The following NRXN3 variants were observed in gnomAD, a reference collection of about 807,000 sequenced individuals.
NRXN3 encodes the protein neurexin 3.
Under a neutral mutation model 137.6 loss-of-function variants are expected in NRXN3, and 32 were observed. The observed-to-expected ratio is 0.23, with a 90% CI of 0.18 to 0.31. The LOEUF is 0.31. Among genes scored for constraint, NRXN3 ranks in the 10% least tolerant of loss-of-function variants. The pLI is 1.00. For synonymous variants in NRXN3, 798 were observed against 784.5 expected (o/e 1.02, Z -0.29); for missense variants, 1,574 against 2,062.5 (o/e 0.76, Z 4.59).
At chr14:79,166,444 T>G (rs888814137) in intron 15 of NRXN3, among the ~76,000 whole-genome samples, 2 of 151,306 alleles carry the variant, frequency 1.3e-5, no homozygotes, top group African/African-American at 4.9e-5. Context: ...AAGTGGAAAT[T>G]TATCAGAAAT....
intron 8 of NRXN3, among the ~76,000 whole-genome samples, chr14:78,719,875 T>G (rs1045150676): frequency 6.6e-5 from 10 of 152,012 alleles, no homozygotes; most frequent in African/African-American, 2.4e-4. Flanking sequence ...AATAGTAGGG[T>G]TGGCAGATAC....
intron 19 of NRXN3, among the ~76,000 whole-genome samples, chr14:79,708,368 T>A (rs1351130560): frequency 6.6e-6 from 1 of 152,104 alleles, no homozygotes; most frequent in African/African-American, 2.4e-5. Flanking sequence ...GATTTTGCCA[T>A]CCATGGGAGG....
chr14:79,662,336 G>C (rs537394380), intron 16 of NRXN3, among the ~76,000 whole-genome samples: 3 of 152,252 alleles, frequency 2.0e-5, no homozygotes, highest in African/African-American at 7.2e-5. Context: ...GCAATGCTAT[G>C]TCTTTCCAAG....
intron 10 of NRXN3, among the ~76,000 whole-genome samples, chr14:78,944,073 G>A (rs766295048): frequency 6.6e-6 from 1 of 152,026 alleles, no homozygotes; most frequent in Non-Finnish European, 1.5e-5. Context: ...ATAGAGATTG[G>A]CCAAATCTCT....
At chr14:78,946,798 ACATGGC>A (rs1252523158) in intron 10 of NRXN3, among the ~76,000 whole-genome samples, 2 of 152,174 alleles carry the variant, frequency 1.3e-5, no homozygotes, top group Non-Finnish European at 2.9e-5. Flanking sequence ...CATGCGTCAT[ACATGGC>A]CAGGCTTGCT....
At chr14:78,628,071 CTT>C (rs58835983) in intron 4 of NRXN3, among the ~76,000 whole-genome samples, 53 of 133,940 alleles carry the variant, frequency 4.0e-4, no homozygotes, top group Non-Finnish European at 3.7e-4. Flanking sequence ...TTGCAGAGTT[CTT>C]TTTTTTTTTT....
chr14:79,554,659 T>C (rs2153751945), intron 16 of NRXN3, among the ~76,000 whole-genome samples: 1 of 152,188 alleles, frequency 6.6e-6, no homozygotes, highest in South Asian at 2.1e-4. Flanking sequence ...AGAAGCAGCG[T>C]CTCTTCTGTG....
intron 4 of NRXN3, among the ~76,000 whole-genome samples, chr14:78,407,395 T>G (rs2153661086): frequency 6.6e-6 from 1 of 152,328 alleles, no homozygotes; most frequent in East Asian, 1.9e-4. Context: ...TTTTTTCTCT[T>G]ATTTCCTCAG....
At chr14:79,439,072 C>T (rs1412498938) in intron 15 of NRXN3, among the ~76,000 whole-genome samples, 1 of 152,242 alleles carries the variant, frequency 6.6e-6, no homozygotes, top group Non-Finnish European at 1.5e-5. Flanking sequence ...TGCATTCTGG[C>T]TCCTTTTGTG....
intron 16 of NRXN3, among the ~76,000 whole-genome samples, chr14:79,610,632 C>T (rs2098087215): frequency 6.6e-6 from 1 of 152,166 alleles, no homozygotes; most frequent in South Asian, 2.1e-4. Flanking sequence ...ACAGGTGCTT[C>T]ATCAATATTT....
At chr14:79,441,088 C>G (rs12894675) in intron 15 of NRXN3, among the ~76,000 whole-genome samples, 46,276 of 152,084 alleles carry the variant, frequency 0.3, 7,347 homozygotes, top group South Asian at 0.42. Context: ...ATGATCAGTA[C>G]TGAATTAATG....
chr14:79,596,161 C>T (rs1193399829), intron 16 of NRXN3, among the ~76,000 whole-genome samples: 3 of 151,748 alleles, frequency 2.0e-5, no homozygotes, highest in African/African-American at 4.8e-5. Context: ...TTTTTCCTTC[C>T]TCTCCTTTTT....
At chr14:79,030,287 G>A (rs981864653) in intron 15 of NRXN3, among the ~76,000 whole-genome samples, 5 of 152,008 alleles carry the variant, frequency 3.3e-5, no homozygotes, top group African/African-American at 1.2e-4. Context: ...ATTGCCAAAT[G>A]TCTTTTGGAG....
intron 16 of NRXN3, among the ~76,000 whole-genome samples, chr14:79,517,863 ATTAC>A (rs2153698431): frequency 1.3e-5 from 1 of 78,934 alleles, no homozygotes; most frequent in African/African-American, 4.5e-5. Flanking sequence ...ATTCTCCCTT[ATTAC>A]TTTTTCTTTC....
chr14:78,279,640 A>C lies in NRXN3; in HGVS notation c.727+978A>C, dbSNP rs185370867. On this transcript the variant is annotated intron_variant, in intron 3 of 20. Transcript: ENST00000335750. ...AGGTTAAGCAGTTTTGCCCACGATC[A>C]TAGAGCTTGTCAGTGGTAGCACTGG... 1.2e-3 allele frequency: 188 copies of C among 152,272 alleles called. 1 individual carries two copies. Among genetic ancestry groups the C allele is most frequent in the African/African-American group, 4.3e-3 (178 of 41,560 alleles). 9.4% of individuals were successfully genotyped at this position (152,272 alleles called of 1,614,324 possible).
At chr14:78,180,284 T>C (rs548209515) in intron 1 of NRXN3, among the ~76,000 whole-genome samples, 1 of 151,860 alleles carries the variant, frequency 6.6e-6, no homozygotes, top group African/African-American at 2.4e-5. Context: ...CCTAGCGGAG[T>C]TGAAAATATC....
intron 15 of NRXN3, among the ~76,000 whole-genome samples, chr14:79,183,319 A>G (rs961457027): frequency 9.9e-5 from 15 of 152,172 alleles, no homozygotes; most frequent in South Asian, 2.1e-4. Context: ...AGCCAGTTCA[A>G]CCCAACCACA....
Position 78,645,137 on chromosome 14 carries a change from G to A in NRXN3, c.775G>A (p.Ala259Thr). 1 of 1,565,380 alleles carries A rather than the reference G, an allele frequency of 6.4e-7. No homozygotes were observed. ...TCCTATAGCTCGAGAGGAGAATGTG[G>A]CCACTTTCCGAGGCTCAGAGTATCT... ...MSEQAREENVATFRGSEYLCY... is the reference protein window; with the variant it reads ...MSEQAREENVTTFRGSEYLCY... Residue 259 changes from alanine (A) to threonine (T), a missense_variant, in exon 5 of 21, where the codon GCC becomes ACC. Transcript: ENST00000335750.
chr14:78,744,658 T>C (rs1311229066), intron 8 of NRXN3: 1 of 152,240 alleles, frequency 6.6e-6, no homozygotes, highest in Non-Finnish European at 1.5e-5. Context: ...GAAGGTGTTA[T>C]TTAATGACAG....
Sources: allele counts gnomAD v4.1 joint callset (sites outside exome capture counted in the v4.1 genomes callset), GRCh38; gene constraint gnomAD v4.1.1; transcripts MANE v1.5; gene names NCBI Gene and HGNC (gene_info 2026-07-23, HGNC 2026-07-21).